Variants in RYR2 observed in about 807,000 individuals in gnomAD.
The protein encoded by RYR2 is cardiac muscle ryanodine receptor-calcium release channel.
A neutral mutation model predicts 601.1 loss-of-function variants in RYR2; 227 were observed. The ratio of observed to expected loss-of-function variants is 0.38; its 90% CI spans 0.34 to 0.42. The LOEUF is 0.42. Ranked by LOEUF, RYR2 falls within the 10% of genes least tolerant of loss-of-function variation. RYR2 has a pLI of 1.00. For synonymous variants in RYR2, 2,223 were observed against 2,175.1 expected (o/e 1.02, Z -0.61); for missense variants, 4,646 against 6,156.5 (o/e 0.75, Z 8.21).
intron 12 of RYR2, among the ~76,000 whole-genome samples, chr1:237,440,326 A>G (rs1009199840): frequency 7.2e-5 from 11 of 152,374 alleles, no homozygotes; most frequent in African/African-American, 2.6e-4. Context: ...TCATAAGACC[A>G]AAGACATAGA....
chr1:237,159,823 T>A (rs1558340918), intron 1 of RYR2, among the ~76,000 whole-genome samples: 1 of 152,192 alleles, frequency 6.6e-6, no homozygotes, highest in Non-Finnish European at 1.5e-5. Context: ...ATCTGAACCA[T>A]CTTTTAAGGC....
intron 1 of RYR2, among the ~76,000 whole-genome samples, chr1:237,072,566 T>C (rs1251418236): frequency 6.6e-6 from 1 of 152,146 alleles, no homozygotes; most frequent in East Asian, 1.9e-4. Context: ...TTCTAGAATG[T>C]CAGTTATAAA....
At position 237,443,002 on chromosome 1, in the gene RYR2, G is replaced by A. The variant is rs553976718; in HGVS notation, c.1170+1519G>A. On this transcript the variant is annotated intron_variant, in intron 13 of 104. Transcript: ENST00000366574. ...TATGTGAATCTACTTTTCCAACCATGTCTTTGGTTCCTGTTTTCGTGCCAT... is the reference window on the plus strand; with the variant it reads ...TATGTGAATCTACTTTTCCAACCATATCTTTGGTTCCTGTTTTCGTGCCAT... Among the ~76,000 whole-genome samples, 310 of 152,288 alleles carry A rather than the reference G, an allele frequency of 2.0e-3. 1 individual carries two copies. Among genetic ancestry groups the A allele is most frequent in the Non-Finnish European group, 4.0e-3 (273 of 68,018 alleles).
intron 2 of RYR2, among the ~76,000 whole-genome samples, chr1:237,272,768 A>G (rs1689834957): frequency 6.6e-6 from 1 of 152,000 alleles, no homozygotes; most frequent in Non-Finnish European, 1.5e-5. Context: ...TGAAAGAGCA[A>G]CATACATTCT....
intron 10 of RYR2, among the ~76,000 whole-genome samples, chr1:237,404,617 T>C (rs1703695398): frequency 6.6e-6 from 1 of 152,206 alleles, no homozygotes; most frequent in Admixed American, 6.5e-5. Flanking sequence ...TCCTCCCTTT[T>C]TGTGTGATGG....
intron 2 of RYR2, among the ~76,000 whole-genome samples, chr1:237,291,953 A>G (rs918003752): frequency 4.6e-5 from 7 of 152,226 alleles, no homozygotes; most frequent in Admixed American, 1.3e-4. Flanking sequence ...TTTGACATCA[A>G]TTGTAACAGC....
intron 96 of RYR2, among the ~76,000 whole-genome samples, chr1:237,795,924 ATG>A (rs1306695529): frequency 4.2e-5 from 1 of 24,062 alleles, no homozygotes; most frequent in Non-Finnish European, 1.3e-4. Context: ...ATGCACGCGT[ATG>A]TGTGTACATA....
chr1:237,260,147 G>A (rs923105478), intron 1 of RYR2, among the ~76,000 whole-genome samples: 1 of 152,212 alleles, frequency 6.6e-6, no homozygotes, highest in African/African-American at 2.4e-5. Context: ...AACAAAAAGT[G>A]ATAACATTGG....
chr1:237,405,421 GC>G (rs1170214111), intron 10 of RYR2, among the ~76,000 whole-genome samples: 1 of 152,160 alleles, frequency 6.6e-6, no homozygotes, highest in Non-Finnish European at 1.5e-5. Flanking sequence ...CTTTCTTATA[GC>G]CTCAACGATG....
intron 1 of RYR2, among the ~76,000 whole-genome samples, chr1:237,082,530 T>TAC (rs1195783956): frequency 2.9e-5 from 3 of 105,058 alleles, no homozygotes; most frequent in Non-Finnish European, 5.6e-5. Flanking sequence ...AAAACATATA[T>TAC]ATATATATAT....
At chr1:237,402,229 A>C (rs1703410056) in intron 10 of RYR2, among the ~76,000 whole-genome samples, 1 of 64,366 alleles carries the variant, frequency 1.6e-5, no homozygotes, top group Non-Finnish European at 3.6e-5. Flanking sequence ...CCTTGTCTCT[A>C]CAAAAAAAAA....
chr1:237,572,392 A>G (rs1050936430), intron 29 of RYR2, among the ~76,000 whole-genome samples: 1 of 152,222 alleles, frequency 6.6e-6, no homozygotes, highest in Non-Finnish European at 1.5e-5. Flanking sequence ...ACAGATTTGC[A>G]GAATGCTCAT....
intron 63 of RYR2, among the ~76,000 whole-genome samples, chr1:237,696,427 A>G (rs1404006089): frequency 6.6e-6 from 1 of 151,746 alleles, no homozygotes; most frequent in African/African-American, 2.4e-5. Context: ...TTTTCTTCTT[A>G]CTTATATTCA....
chr1:237,062,565 C>A (rs1663016730), intron 1 of RYR2, among the ~76,000 whole-genome samples: 1 of 151,862 alleles, frequency 6.6e-6, no homozygotes, highest in Admixed American at 6.6e-5. Flanking sequence ...TTACATTTGA[C>A]CTTGTATCTA....
chr1:237,731,993 T>G, intron 77 of RYR2, 53 bp from the exon 78 acceptor site: 4 of 1,188,342 alleles, frequency 3.4e-6, no homozygotes, highest in Middle Eastern at 2.0e-4. Flanking sequence ...CTTTTGGATT[T>G]GAGTGAACAT....
rs1708243535 is a variant in RYR2 at position 237,445,426 on chromosome 1, T to C, written c.1196T>C (p.Met399Thr). ...RKAIMHHEGHMDDGISLSRSQ... is the reference protein window; with the variant it reads ...RKAIMHHEGHTDDGISLSRSQ... ...GCTATTATGCATCATGAAGGCCACA[T>C]GGATGATGGCATAAGTTTGTCGAGA... The change falls in exon 14 of 105, where the codon ATG (methionine) becomes ACG (threonine). Residue 399 changes from methionine (M) to threonine (T), a missense_variant. Physicochemically the swap from Met to Thr is moderately conservative, Grantham distance 81. Around this residue, in one of 17 missense-constraint regions of RYR2, gnomAD observed 1,807 missense variants for 2,088.1 expected, o/e 0.87. Transcript: ENST00000366574. The C allele has an allele frequency of 6.2e-7, 1 of 1,613,658 alleles. No individual in the cohort carries two copies. The highest frequency in any genetic ancestry group is 8.5e-7 in the Non-Finnish European group (1 of 1,179,654).
intron 100 of RYR2, among the ~76,000 whole-genome samples, chr1:237,816,702 A>G (rs1447767609): frequency 6.6e-6 from 1 of 152,072 alleles, no homozygotes; most frequent in African/African-American, 2.4e-5. Context: ...AGAAAAAAAA[A>G]AAAAGGAAAA....
chr1:237,773,432 C>A, intron 86 of RYR2, 88 bp from the exon 87 acceptor site: 1 of 834,002 alleles, frequency 1.2e-6, no homozygotes, highest in Non-Finnish European at 1.9e-6. Context: ...ATTTAAAATA[C>A]TTCTCAGGCA....
intron 63 of RYR2, among the ~76,000 whole-genome samples, chr1:237,688,682 C>G (rs1277270706): frequency 1.3e-5 from 2 of 152,106 alleles, no homozygotes. Context: ...TTTAACTTCT[C>G]TTCAACAGAG....
Sources: gnomAD v4.1 joint callset for allele counts (sites outside exome capture counted in the v4.1 genomes callset) on GRCh38, gnomAD v4.1.1 for gene constraint, gnomAD v4.1.1 regional missense constraint, MANE v1.5 for transcripts, NCBI Gene and HGNC (gene_info 2026-07-23, HGNC 2026-07-21) for gene names.